Variants in MTAP observed in about 807,000 individuals in gnomAD.
The protein encoded by MTAP is S-methyl-5'-thioadenosine phosphorylase.
MTAP carries 33 observed loss-of-function variants against 33.6 expected under a neutral mutation model. That is an observed-to-expected ratio of 0.98 (90% CI 0.74 to 1.31). MTAP has a LOEUF of 1.31. Among genes scored for constraint, MTAP ranks in the 40% most tolerant of loss-of-function variants. MTAP has a pLI of 0.00. For synonymous variants in MTAP, 148 were observed against 125.7 expected, an observed-to-expected ratio of 1.18 and a Z score of -1.19; for missense variants, 367 against 360.0, an observed-to-expected ratio of 1.02 and a Z score of -0.16.
chr9:21,916,779 A>G (rs1402137528), intron 1 of MTAP, among the ~76,000 whole-genome samples: 1 of 152,216 alleles, frequency 6.6e-6, no homozygotes, highest in African/African-American at 2.4e-5. Flanking sequence ...GATCCTTCGT[A>G]GAGAGCAAGG....
At chr9:21,904,433 T>C (rs1818442498) in intron 1 of MTAP, among the ~76,000 whole-genome samples, 1 of 152,084 alleles carries the variant, frequency 6.6e-6, no homozygotes. Context: ...CCCACTTCCG[T>C]ATCATTTAAA....
At chr9:21,822,829 A>G (rs1338205352) in intron 4 of MTAP, among the ~76,000 whole-genome samples, 2 of 152,334 alleles carry the variant, frequency 1.3e-5, no homozygotes, top group East Asian at 3.9e-4. Flanking sequence ...GGGTGCATAT[A>G]GATTTAGGAT....
chr9:21,807,089 A>G (rs1417099668), intron 1 of MTAP, among the ~76,000 whole-genome samples: 1 of 152,212 alleles, frequency 6.6e-6, no homozygotes, highest in Non-Finnish European at 1.5e-5. Flanking sequence ...TCTTGAGCCC[A>G]GGAGGCAGAG....
intron 4 of MTAP, among the ~76,000 whole-genome samples, chr9:21,836,456 T>C (rs1218407004): frequency 2.0e-5 from 3 of 152,094 alleles, no homozygotes; most frequent in East Asian, 1.9e-4. Context: ...GCGGGTGTTA[T>C]GGTGTGGAAG....
intron 1 of MTAP, among the ~76,000 whole-genome samples, chr9:21,880,738 A>G (rs1817993890): frequency 1.3e-5 from 2 of 152,146 alleles, no homozygotes; most frequent in Admixed American, 6.6e-5. Flanking sequence ...GCAAACTACA[A>G]AACATTGCTG....
intron 1 of MTAP, among the ~76,000 whole-genome samples, chr9:21,805,562 A>G (rs1191356477): frequency 6.6e-6 from 1 of 152,200 alleles, no homozygotes; most frequent in African/African-American, 2.4e-5. Context: ...CAAAATCTGT[A>G]TGTTGAAACC....
At chr9:21,937,515 T>TCTCAAAATAATTCTTTGTGCTTC (rs1819060330) in exon 8 of MTAP, 1 of 152,222 alleles carries the variant, frequency 6.6e-6, no homozygotes, top group Admixed American at 6.5e-5. Context: ...TTTTGTGTTT[T>TCTCAAAATAATTCTTTGTGCTTC]CTCAAAATAA....
chr9:21,934,008 T>C (rs1251799419), downstream of MTAP: 2 of 152,238 alleles, frequency 1.3e-5, no homozygotes, highest in African/African-American at 4.8e-5. The surrounding 1 kb of genome is among the most constrained non-coding windows in gnomAD (Gnocchi z 5.0). Flanking sequence ...AGAAGTTTAA[T>C]TGAGCAATGA....
Position 21,922,201 on chromosome 9 carries a change from CG to C in MTAP, c.148-8806del, listed in dbSNP as rs2131034333. Among the ~76,000 whole-genome samples, 1 of 151,962 alleles carries C rather than the reference CG, an allele frequency of 6.6e-6. No individual in the cohort carries two copies. The highest frequency in any genetic ancestry group is 2.4e-5 in the African/African-American group (1 of 41,458). On this transcript the variant is annotated intron_variant, in intron 1 of 1. Transcript: ENST00000577563. The surrounding 1 kb of genome is among the most constrained non-coding windows in gnomAD (Gnocchi z 4.8). ...GAACACTTGACTGGCAAGGGAAAAA[CG>C]CCTCAAGTGAGCATGCACACAACTT...
intron 1 of MTAP, among the ~76,000 whole-genome samples, chr9:21,811,432 T>G (rs950036945): frequency 1.3e-5 from 2 of 152,094 alleles, no homozygotes; most frequent in Non-Finnish European, 2.9e-5. Flanking sequence ...TTGGATTGAT[T>G]TGCTCTTGAA....
intron 1 of MTAP, among the ~76,000 whole-genome samples, chr9:21,814,852 G>A (rs555623983): frequency 2.5e-4 from 38 of 152,210 alleles, no homozygotes; most frequent in Non-Finnish European, 5.0e-4. Context: ...AAATGTATAT[G>A]CGGGTAACTT....
At chr9:21,819,879 C>T (rs1159975086) in intron 4 of MTAP, among the ~76,000 whole-genome samples, 2 of 152,186 alleles carry the variant, frequency 1.3e-5, no homozygotes, top group Non-Finnish European at 2.9e-5. Context: ...ATTTGCATTT[C>T]TCTGATGGCC....
At chr9:21,871,318 A>G (rs1360520593), downstream of MTAP, among the ~76,000 whole-genome samples, 1 of 152,194 alleles carries the variant, frequency 6.6e-6, no homozygotes, top group Non-Finnish European at 1.5e-5. Flanking sequence ...CCCCAGCTCC[A>G]AGCAGACCAG....
At chr9:21,817,910 TA>T in intron 3 of MTAP, 124 bp from the exon 4 acceptor site, 1 of 914,034 alleles carries the variant, frequency 1.1e-6, no homozygotes, top group Non-Finnish European at 1.6e-6. Flanking sequence ...GACTGGGTTC[TA>T]GGAGACCCCC....
chr9:21,916,971 C>G (rs1182744570), intron 1 of MTAP, among the ~76,000 whole-genome samples: 1 of 151,966 alleles, frequency 6.6e-6, no homozygotes. Context: ...TGATAGAAGT[C>G]AAGGTGAAGA....
At chr9:21,885,480 ATGGTC>A (rs1300193555) in intron 1 of MTAP, among the ~76,000 whole-genome samples, 13 of 151,822 alleles carry the variant, frequency 8.6e-5, no homozygotes, top group Non-Finnish European at 1.8e-4. Flanking sequence ...TTACCTGAGG[ATGGTC>A]TTTAGTGTTG....
intron 1 of MTAP, among the ~76,000 whole-genome samples, chr9:21,808,066 A>C (rs1260471737): frequency 6.6e-6 from 1 of 152,200 alleles, no homozygotes; most frequent in Non-Finnish European, 1.5e-5. Context: ...ATGCAAGTTC[A>C]TAGGCCCCAC....
At position 21,863,143 on chromosome 9, in the gene MTAP, TTAAC is replaced by T. The variant is rs1163861460; in HGVS notation, c.*1132_*1135del. On this transcript the variant is annotated 3_prime_UTR_variant, in exon 8 of 8. Transcript: ENST00000644715. ...GGTGTTTAATAGTTTAACTGAAAGT[TTAAC>T]TATTTAAAAGACTAAATGCACATTT... is the stretch of plus-strand genomic sequence containing the variant. 3 of 976,312 alleles carry T rather than the reference TTAAC, an allele frequency of 3.1e-6. No individual in the cohort carries two copies. The highest frequency in any genetic ancestry group is 3.7e-6 in the Non-Finnish European group (3 of 821,748). The allele number at this position is 976,312 out of a possible 1,614,324, so 60.5% of individuals were successfully genotyped here. A position where few individuals can be genotyped will look rare whatever the true frequency, so the allele number is the denominator to read the frequency against.
chr9:21,898,315 G>A (rs1818331705), intron 1 of MTAP, among the ~76,000 whole-genome samples: 1 of 152,188 alleles, frequency 6.6e-6, no homozygotes, highest in African/African-American at 2.4e-5. Flanking sequence ...TCAGGACACA[G>A]GCATGGGCAA....
Sources: gnomAD v4.1 joint callset for allele counts (sites outside exome capture counted in the v4.1 genomes callset) on GRCh38, gnomAD v4.1.1 for gene constraint, Gnocchi (gnomAD v3.1) non-coding constraint, MANE v1.5 for transcripts, NCBI Gene and HGNC (gene_info 2026-07-23, HGNC 2026-07-21) for gene names.